SYK: variants seen among roughly 807,000 people sequenced by gnomAD.
SYK encodes the protein tyrosine-protein kinase SYK.
In SYK, 16 loss-of-function variants were observed where a neutral mutation model predicts 77.8. The observed-to-expected ratio is 0.21, with a 90% CI of 0.14 to 0.31. The LOEUF (loss-of-function observed/expected upper bound fraction) is 0.31, where lower values mean the gene tolerates loss of function less well. Among genes scored for constraint, SYK ranks in the 10% least tolerant of loss-of-function variants. SYK has a pLI of 1.00. For synonymous variants in SYK, 312 were observed against 308.7 expected (o/e 1.01, Z -0.11); for missense variants, 529 against 814.4 (o/e 0.65, Z 4.26).
At chr9:90,836,885 T>C (rs1014535918) in intron 1 of SYK, among the ~76,000 whole-genome samples, 8 of 152,198 alleles carry the variant, frequency 5.3e-5, no homozygotes, top group African/African-American at 1.9e-4. Context: ...CCATTTCAGA[T>C]GGATGAGTCA....
chr9:90,895,954 G>A lies in SYK; in HGVS notation c.*354G>A. The A allele has an allele frequency of 3.1e-6, 1 of 327,356 alleles. No individual in the cohort carries two copies. Among genetic ancestry groups the A allele is most frequent in the Admixed American group, 4.3e-5 (1 of 23,388 alleles). The allele number at this position is 327,356 out of a possible 1,614,324, so 20.3% of individuals were successfully genotyped here. On this transcript the variant is annotated 3_prime_UTR_variant, in exon 14 of 14. Transcript: ENST00000375754. This position sits in a 1 kb window ranked among gnomAD's most constrained non-coding sequence, Gnocchi z 4.4. ...GCATTTGTTACTCATCGGGCCCAGG[G>A]ACATTGCAGAGTGGCCTAGAGCACT...
chr9:90,853,651 C>T (rs928191928), intron 3 of SYK, among the ~76,000 whole-genome samples: 1 of 152,018 alleles, frequency 6.6e-6, no homozygotes, highest in Non-Finnish European at 1.5e-5. Context: ...TGTTCTCACT[C>T]ATAGGTGGGA....
rs1826743939 is a variant in SYK, at chr9:90,801,873, C to G, written c.-62C>G. 6.6e-6 allele frequency: 1 copy of G among 152,546 alleles called. No individual in the cohort carries two copies. The highest frequency in any genetic ancestry group is 1.5e-5 in the Non-Finnish European group (1 of 68,196). 9.4% of individuals were successfully genotyped at this position (152,546 alleles called of 1,614,324 possible). On this transcript the variant is annotated 5_prime_UTR_variant, in exon 1 of 14. Coordinates refer to ENST00000375754, the MANE Select transcript of SYK (RefSeq NM_003177.7). Reference sequence around the variant, plus strand: ...AGCGGGTGGCCCCGCGCTGCGCCCGCCCTCGCCTCACCTGGCGCAGGTAGG... The same window carrying G: ...AGCGGGTGGCCCCGCGCTGCGCCCGGCCTCGCCTCACCTGGCGCAGGTAGG...
chr9:90,876,589 G>A (rs1172944827), intron 9 of SYK, among the ~76,000 whole-genome samples: 3 of 152,168 alleles, frequency 2.0e-5, no homozygotes, highest in Non-Finnish European at 4.4e-5. Flanking sequence ...GATTATGAAA[G>A]GTTGTGATCT....
At chr9:90,832,104 A>T (rs1291337113) in intron 1 of SYK, among the ~76,000 whole-genome samples, 2 of 152,238 alleles carry the variant, frequency 1.3e-5, no homozygotes, top group African/African-American at 4.8e-5. Flanking sequence ...TTGACAAAAA[A>T]GTTGTAACCA....
chr9:90,877,677 C>G lies in SYK; in HGVS notation c.1288C>G (p.Pro430Ala), dbSNP rs1350208195. The change falls in exon 10 of 14, where the codon CCG becomes GCG. Residue 430 changes from proline (P) to alanine (A), a missense_variant. Pro to Ala is a conservative substitution (Grantham distance 27, BLOSUM62 -1). Coordinates refer to ENST00000375754, the MANE Select transcript of SYK (RefSeq NM_003177.7). ...EANVMQQLDN[P>A]YIVRMIGICE... ...AAATGTCATGCAGCAGCTGGACAAC[C>G]CGTACATCGTGCGGATGATCGGGAT... 1 of 1,614,118 alleles carries G rather than the reference C, an allele frequency of 6.2e-7. No homozygotes were observed. The highest frequency in any genetic ancestry group is 8.5e-7 in the Non-Finnish European group (1 of 1,180,042).
At chr9:90,873,648 A>G (rs1827816985) in intron 7 of SYK, among the ~76,000 whole-genome samples, 2 of 152,204 alleles carry the variant, frequency 1.3e-5, no homozygotes, top group African/African-American at 4.8e-5. Flanking sequence ...GTTACTGACC[A>G]GTGCCACCCT....
Position 90,871,819 on chromosome 9 carries a change from T to C in SYK, c.916-2385T>C, listed in dbSNP as rs560163509. On this transcript the variant is annotated intron_variant, in intron 7 of 13. Transcript: ENST00000375754. ...GGTTGTTGAGAGACATGAGGGTTCT[T>C]TGTGGCTTGGCTTAAAAGGCTTATA... 2.2e-4 allele frequency among the ~76,000 whole-genome samples: 34 copies of C among 152,246 alleles called. 1 individual carries two copies. Among genetic ancestry groups the C allele is most frequent in the African/African-American group, 7.9e-4 (33 of 41,552 alleles).
chr9:90,839,480 G>A (rs1826213092), intron 1 of SYK, among the ~76,000 whole-genome samples: 2 of 152,038 alleles, frequency 1.3e-5, no homozygotes, highest in African/African-American at 2.4e-5. Flanking sequence ...GGTTGCTCCG[G>A]GTCTGCAGAT....
intron 13 of SYK, among the ~76,000 whole-genome samples, chr9:90,889,143 G>A (rs1027968136): frequency 1.3e-5 from 2 of 152,220 alleles, no homozygotes; most frequent in African/African-American, 2.4e-5. Context: ...GCCGTCATAC[G>A]TCTCGCTTAG....
At chr9:90,875,323 A>C (rs564301176) in intron 9 of SYK, among the ~76,000 whole-genome samples, 3 of 152,270 alleles carry the variant, frequency 2.0e-5, no homozygotes, top group South Asian at 4.1e-4. Flanking sequence ...GCTGCTCAAG[A>C]GGCCAAGAAG....
At chr9:90,880,969 G>T (rs1828128639) in intron 11 of SYK, among the ~76,000 whole-genome samples, 1 of 152,198 alleles carries the variant, frequency 6.6e-6, no homozygotes, top group African/African-American at 2.4e-5. Context: ...GGGCAGCATG[G>T]CAGCTGCGGG....
intron 8 of SYK, 56 bp from the exon 9 acceptor site, chr9:90,874,616 A>T: frequency 6.5e-7 from 1 of 1,549,792 alleles, no homozygotes; most frequent in South Asian, 1.2e-5. Flanking sequence ...TCTTGGAAGG[A>T]TGAATCCTGG....
intron 1 of SYK, among the ~76,000 whole-genome samples, chr9:90,827,169 A>G (rs1445474798): frequency 1.3e-5 from 2 of 152,016 alleles, no homozygotes; most frequent in Non-Finnish European, 2.9e-5. Flanking sequence ...TTTGGTAAAA[A>G]CACTTGGGAA....
rs559919432 is a variant in SYK, at chr9:90,889,629, C to T, written c.1835+1002C>T. The stretch of plus-strand genomic sequence containing the variant: ...TATCTAGAAACCACCCAGGGGGCAG[C>T]CACAAAGGCAGCAGGCAAACTGTGG... On this transcript the variant is annotated intron_variant, in intron 13 of 13. Coordinates refer to ENST00000375754, the MANE Select transcript of SYK (RefSeq NM_003177.7). Among the ~76,000 whole-genome samples the T allele has an allele frequency of 6.2e-4, 95 of 152,216 alleles. 2 individuals carry two copies. In the South Asian group the frequency reaches 0.02, roughly 31 times the overall value.
chr9:90,844,243 C>G lies in SYK; in HGVS notation c.345C>G (p.Pro115=). Reference sequence around the variant, plus strand: ...TCAACCGGCCCCAAGGGGTGCAGCCCAAGACTGGGCCCTTTGAGGATTTGA... The same window carrying G: ...TCAACCGGCCCCAAGGGGTGCAGCCGAAGACTGGGCCCTTTGAGGATTTGA... ...KPFNRPQGVQ[P]KTGPFEDLKE... is the part of the protein sequence containing the mutation. The change falls in exon 2 of 14, where the codon CCC becomes CCG. Residue 115 remains proline (P), a synonymous_variant. Transcript: ENST00000375754. The G allele has an allele frequency of 6.2e-7, 1 of 1,614,094 alleles. No individual in the cohort carries two copies. Among genetic ancestry groups the G allele is most frequent in the Non-Finnish European group, 8.5e-7 (1 of 1,179,996 alleles).
chr9:90,859,007 G>GCACT (rs1452246149), intron 3 of SYK, among the ~76,000 whole-genome samples: 1 of 152,220 alleles, frequency 6.6e-6, no homozygotes, highest in Non-Finnish European at 1.5e-5. Flanking sequence ...AAAGCAAAGG[G>GCACT]CACTCTCTGT....
At chr9:90,856,502 C>T (rs1227188049) in intron 3 of SYK, among the ~76,000 whole-genome samples, 2 of 152,090 alleles carry the variant, frequency 1.3e-5, no homozygotes, top group Non-Finnish European at 2.9e-5. Flanking sequence ...TTCCAGCGCA[C>T]TAATTTTTCC....
intron 1 of SYK, among the ~76,000 whole-genome samples, chr9:90,811,488 G>A (rs938905260): frequency 1.3e-5 from 2 of 152,104 alleles, no homozygotes; most frequent in African/African-American, 4.8e-5. Flanking sequence ...ACTAAGGGAA[G>A]TACAGTTGAT....
Sources: allele counts gnomAD v4.1 joint callset (sites outside exome capture counted in the v4.1 genomes callset), GRCh38; gene constraint gnomAD v4.1.1; non-coding constraint Gnocchi (gnomAD v3.1); transcripts MANE v1.5; gene names NCBI Gene and HGNC (gene_info 2026-07-23, HGNC 2026-07-21).